ASIP: variants seen among roughly 807,000 people sequenced by gnomAD.
The protein encoded by ASIP is agouti-signaling protein.
A neutral mutation model predicts 10.3 loss-of-function variants in ASIP; 11 were observed. The ratio of observed to expected loss-of-function variants is 1.07; its 90% confidence interval spans 0.68 to 1.78. ASIP has a LOEUF of 1.78. ASIP is among the 40% of genes most tolerant of loss of function. The pLI is 0.00. For synonymous variants in ASIP, 70 were observed against 70.8 expected (o/e 0.99, Z 0.06); for missense variants, 180 against 169.2 (o/e 1.06, Z -0.35).
chr20:34,221,332 C>T (rs1034085309), intron 1 of ASIP, among the ~76,000 whole-genome samples: 2 of 151,628 alleles, frequency 1.3e-5, no homozygotes, highest in Admixed American at 6.6e-5. Flanking sequence ...GAGCCGAGAT[C>T]GCGCCACTGC....
At chr20:34,218,464 T>C (rs1391059020) in intron 1 of ASIP, among the ~76,000 whole-genome samples, 1 of 152,198 alleles carries the variant, frequency 6.6e-6, no homozygotes, top group African/African-American at 2.4e-5. Context: ...TGAGGCAAAG[T>C]GGCATCACCC....
At chr20:34,227,569 T>C (rs2035101277) in intron 1 of ASIP, among the ~76,000 whole-genome samples, 1 of 149,032 alleles carries the variant, frequency 6.7e-6, no homozygotes, top group Non-Finnish European at 1.5e-5. Flanking sequence ...AGGTGGAGGT[T>C]GCAGTGAGCC....
At chr20:34,198,591 A>G (rs1197337067) in intron 1 of ASIP, among the ~76,000 whole-genome samples, 2 of 151,748 alleles carry the variant, frequency 1.3e-5, no homozygotes, top group Non-Finnish European at 1.5e-5. Flanking sequence ...GGCTCAAGTG[A>G]TCCTCCCCCT....
chr20:34,215,775 C>T, intron 1 of ASIP: 1 of 1,541,646 alleles, frequency 6.5e-7, no homozygotes, highest in East Asian at 2.3e-5. Context: ...GCTAGAGCTT[C>T]TGCACACACC....
At chr20:34,197,674 T>C (rs1469266707) in intron 1 of ASIP, among the ~76,000 whole-genome samples, 1 of 152,144 alleles carries the variant, frequency 6.6e-6, no homozygotes, top group Non-Finnish European at 1.5e-5. Flanking sequence ...TTTCTCATCC[T>C]CAGCATTATT....
intron 1 of ASIP, among the ~76,000 whole-genome samples, chr20:34,242,086 C>G (rs1045368487): frequency 6.6e-6 from 1 of 152,080 alleles, no homozygotes; most frequent in Non-Finnish European, 1.5e-5. Flanking sequence ...TGAGTTCGCT[C>G]TGCTTCAGTG....
upstream of ASIP, among the ~76,000 whole-genome samples, chr20:34,240,848 C>A (rs917158815): frequency 6.6e-6 from 1 of 152,172 alleles, no homozygotes; most frequent in African/African-American, 2.4e-5. Context: ...ATGTCAACAT[C>A]AATTCCAATT....
Position 34,262,838 on chromosome 20 carries a change from A to G in ASIP, c.167A>G (p.Asn56Ser). The G allele has an allele frequency of 2.5e-6, 4 of 1,614,020 alleles. No homozygotes were observed. The highest frequency in any genetic ancestry group is 2.5e-6 in the Non-Finnish European group (3 of 1,179,908). The change falls in exon 3 of 4, where the codon AAC becomes AGC. Residue 56 changes from asparagine to serine, a missense_variant. By Grantham distance (46) the Asn-to-Ser change is conservative (BLOSUM62 1). Coordinates refer to ENST00000374954, the MANE Select transcript of ASIP (RefSeq NM_001672.3). Reference sequence around the variant, plus strand: ...CTTTTGTCTCTCTTTGAAGCGCTGAACAAGAAATCCAAACAGATCGGCAGA... The same window carrying G: ...CTTTTGTCTCTCTTTGAAGCGCTGAGCAAGAAATCCAAACAGATCGGCAGA... ...DVPSVSIVAL[N>S]KKSKQIGRKA...
At chr20:34,250,358 A>C (rs1484419552) in intron 1 of ASIP, among the ~76,000 whole-genome samples, 1 of 152,192 alleles carries the variant, frequency 6.6e-6, no homozygotes, top group Non-Finnish European at 1.5e-5. Flanking sequence ...AAAAATACTA[A>C]AACAATGCTA....
At chr20:34,222,642 CTCTCCGTCTCCCTCTCCCTCTCCCCACGG>C (rs2035055880) in intron 1 of ASIP, among the ~76,000 whole-genome samples, 1 of 142,000 alleles carries the variant, frequency 7.0e-6, no homozygotes, top group Non-Finnish European at 1.5e-5. Context: ...CTCCCTCTCC[CTCTCCGTCTCCCTCTCCCTCTCCCCACGG>C]TCTCCCTCTC....
At chr20:34,254,673 C>T (rs2035539394) in intron 1 of ASIP, among the ~76,000 whole-genome samples, 1 of 152,056 alleles carries the variant, frequency 6.6e-6, no homozygotes, top group South Asian at 2.1e-4. Context: ...TAGGGTTCTC[C>T]CAGACCCCTT....
upstream of ASIP, among the ~76,000 whole-genome samples, chr20:34,189,923 G>A (rs1361640211): frequency 6.6e-6 from 1 of 152,156 alleles, no homozygotes; most frequent in South Asian, 2.1e-4. Context: ...TCCTCAGCTC[G>A]GTCCGGTGGA....
At chr20:34,267,809 G>C (rs2035814179) in intron 3 of ASIP, among the ~76,000 whole-genome samples, 1 of 151,138 alleles carries the variant, frequency 6.6e-6, no homozygotes, top group Non-Finnish European at 1.5e-5. Flanking sequence ...GGGATTACAG[G>C]CATGAGCCAC....
chr20:34,213,138 A>G (rs1248905779), intron 1 of ASIP, among the ~76,000 whole-genome samples: 1 of 152,190 alleles, frequency 6.6e-6, no homozygotes. Flanking sequence ...TGCTATCATT[A>G]TTGCAAGGGT....
chr20:34,201,784 T>G (rs1387188503), intron 1 of ASIP, among the ~76,000 whole-genome samples: 3 of 152,226 alleles, frequency 2.0e-5, no homozygotes, highest in Non-Finnish European at 4.4e-5. Context: ...GAGATACTGG[T>G]GACCTAAGCT....
At chr20:34,216,976 T>C (rs2035013073) in intron 1 of ASIP, among the ~76,000 whole-genome samples, 1 of 152,170 alleles carries the variant, frequency 6.6e-6, no homozygotes, top group African/African-American at 2.4e-5. Context: ...ATGTTATCTC[T>C]CTCCAGAAGG....
chr20:34,269,147 G>A lies in ASIP; in HGVS notation c.379G>A (p.Val127Met). ...CTTCCGCAGCGCCTGCTCCTGCCGC[G>A]TGCTCAGCCTCAACTGCTGAGCGCC... ...RFFRSACSCRVLSLNC is the reference protein window; with the variant it reads ...RFFRSACSCRMLSLNC The change falls in exon 4 of 4, where the codon GTG becomes ATG. Residue 127 changes from valine to methionine, a missense_variant. Val to Met is a conservative substitution (Grantham distance 21). Coordinates refer to ENST00000374954, the MANE Select transcript of ASIP (RefSeq NM_001672.3). 1 of 1,547,136 alleles carries A rather than the reference G, an allele frequency of 6.5e-7. No individual in the cohort carries two copies. The highest frequency in any genetic ancestry group is 8.7e-7 in the Non-Finnish European group (1 of 1,145,830).
rs1223229088 is a variant in ASIP, at chr20:34,214,507, T to C, written c.-11+19747T>C. 2.7e-6 allele frequency: 4 copies of C among 1,504,396 alleles called. No individual in the cohort carries two copies. In the African/African-American group the frequency reaches 5.5e-5, roughly 21 times the overall value. The allele number at this position is 1,504,396 out of a possible 1,614,324, so 93.2% of individuals were successfully genotyped here. On this transcript the variant is annotated intron_variant, in intron 1 of 3. Transcript: ENST00000568305. Reference sequence around the variant, plus strand: ...TACTGGAAGAGCTTCTGCCAACATATACAGCAATCTTATTGCTACTTCAAC... The same window carrying C: ...TACTGGAAGAGCTTCTGCCAACATACACAGCAATCTTATTGCTACTTCAAC...
chr20:34,219,955 TG>T (rs748247461), intron 1 of ASIP, among the ~76,000 whole-genome samples: 7 of 152,172 alleles, frequency 4.6e-5, no homozygotes, highest in Non-Finnish European at 8.8e-5. Context: ...CTGGGCGTGG[TG>T]GTGGGTGCCT....
Sources: allele counts gnomAD v4.1 joint callset (sites outside exome capture counted in the v4.1 genomes callset), GRCh38; gene constraint gnomAD v4.1.1; transcripts MANE v1.5; gene names NCBI Gene and HGNC (gene_info 2026-07-23, HGNC 2026-07-21).